PLB1: variants seen among roughly 807,000 people sequenced by gnomAD.
The protein encoded by PLB1 is phospholipase B1, also known as phospholipase B1, membrane-associated.
In PLB1, 242 loss-of-function variants were observed where a neutral mutation model predicts 227.4. That is an observed-to-expected ratio of 1.06 (90% CI 0.96 to 1.18). PLB1 has a LOEUF of 1.18. PLB1 is among the 50% of genes most tolerant of loss of function. PLB1 has a pLI of 0.00. For synonymous variants in PLB1, 757 were observed against 682.2 expected (o/e 1.11, Z -1.71); for missense variants, 1,858 against 1,816.3 (o/e 1.02, Z -0.42).
intron 17 of PLB1, among the ~76,000 whole-genome samples, chr2:28,558,081 T>C (rs188022685): frequency 1.2e-4 from 19 of 152,270 alleles, no homozygotes; most frequent in African/African-American, 3.8e-4. Context: ...CAGGGCGGTA[T>C]GGCCATAGAC....
At chr2:28,504,067 T>G (rs1667384473) in intron 1 of PLB1, among the ~76,000 whole-genome samples, 1 of 152,198 alleles carries the variant, frequency 6.6e-6, no homozygotes, top group Non-Finnish European at 1.5e-5. Context: ...CTTGATTACT[T>G]CCATCAGTTT....
rs1485340289 is a variant in PLB1 at position 28,591,117 on chromosome 2, C to T, written c.2089-16C>T. The T allele has an allele frequency of 3.1e-6, 5 of 1,614,010 alleles. No individual in the cohort carries two copies. The East Asian group carries it at 1.1e-4, about 36-fold the overall frequency. On this transcript the variant is annotated splice_polypyrimidine_tract_variant and intron_variant, in intron 29 of 57. Transcript: ENST00000327757. ...AGCAGAATTTGCTGCCATTGCTCAC[C>T]CCCCTCTCCTCACAGGTCCAGCCGT...
At chr2:28,593,001 C>T (rs1018698607) in intron 32 of PLB1, among the ~76,000 whole-genome samples, 15 of 152,192 alleles carry the variant, frequency 9.9e-5, no homozygotes, top group Non-Finnish European at 1.9e-4. Flanking sequence ...GTCATTCTGA[C>T]TCAAAATTCT....
intron 23 of PLB1, among the ~76,000 whole-genome samples, chr2:28,580,480 C>T (rs1249124245): frequency 6.6e-6 from 1 of 152,102 alleles, no homozygotes; most frequent in African/African-American, 2.4e-5. Flanking sequence ...TTCGGGAGGC[C>T]GAGGCAGGCA....
At chr2:28,506,400 G>A (rs1218389087) in intron 1 of PLB1, among the ~76,000 whole-genome samples, 1 of 152,114 alleles carries the variant, frequency 6.6e-6, no homozygotes, top group African/African-American at 2.4e-5. Context: ...GGGAGGGCAT[G>A]GCAATGATGG....
intron 51 of PLB1, among the ~76,000 whole-genome samples, chr2:28,627,403 C>A (rs544854707): frequency 6.6e-6 from 1 of 152,210 alleles, no homozygotes; most frequent in Non-Finnish European, 1.5e-5. Context: ...ATGCCCTCTA[C>A]TAGTCCCAGG....
chr2:28,617,910 C>T, intron 45 of PLB1, 123 bp downstream of exon 45: 2 of 990,282 alleles, frequency 2.0e-6, no homozygotes, highest in Non-Finnish European at 3.2e-6. Flanking sequence ...GCAGTGCAGA[C>T]CTAGATCCTG....
chr2:28,582,491 A>C lies in PLB1; in HGVS notation c.1719A>C (p.Pro573=), dbSNP rs1048175353. 1 of 1,607,960 alleles carries C rather than the reference A, an allele frequency of 6.2e-7. No individual in the cohort carries two copies. The highest frequency in any genetic ancestry group is 8.5e-7 in the Non-Finnish European group (1 of 1,176,588). The part of the protein sequence containing the change: ...ELYQEKKVYC[P]RMILRSLCPC... ...ACCAGGAGAAAAAAGTCTACTGCCC[A>C]AGGATGATCCTCAGGTCAGACAGAT... The change falls in exon 25 of 58, where the codon CCA becomes CCC. Residue 573 remains proline, a synonymous_variant. Coordinates refer to ENST00000327757, the MANE Select transcript of PLB1 (RefSeq NM_153021.5).
chr2:28,604,156 T>C, intron 40 of PLB1, 109 bp downstream of exon 40: 2 of 1,092,582 alleles, frequency 1.8e-6, no homozygotes, highest in Non-Finnish European at 2.7e-6. Flanking sequence ...TGGTCAGGGA[T>C]TGTGGGGAGA....
At chr2:28,576,686 C>CGCCATT (rs1183101490) in intron 21 of PLB1, among the ~76,000 whole-genome samples, 8 of 152,128 alleles carry the variant, frequency 5.3e-5, no homozygotes, top group Non-Finnish European at 1.5e-5. Flanking sequence ...ACTGAGATCA[C>CGCCATT]GCCATTGCAC....
At chr2:28,497,996 GGT>G in intron 1 of PLB1, among the ~76,000 whole-genome samples, 1 of 151,678 alleles carries the variant, frequency 6.6e-6, no homozygotes, top group East Asian at 1.9e-4. Flanking sequence ...TGGGATTACA[GGT>G]GTGAGCCACC....
chr2:28,547,446 T>A (rs1487781766), intron 14 of PLB1, among the ~76,000 whole-genome samples: 1 of 152,242 alleles, frequency 6.6e-6, no homozygotes, highest in Non-Finnish European at 1.5e-5. Flanking sequence ...CAGCTAATTA[T>A]ACCTCCTTAT....
rs1461349326 is a variant in PLB1 at position 28,636,526 on chromosome 2, A to G, written c.4098+3487A>G. Reference sequence around the variant, plus strand: ...ATGTGTCTACCAAAAGATACACACAAAAATATTCACAGCAGCACTATTTAT... The same window carrying G: ...ATGTGTCTACCAAAAGATACACACAGAAATATTCACAGCAGCACTATTTAT... On this transcript the variant is annotated intron_variant, in intron 56 of 57. Coordinates refer to ENST00000327757, the MANE Select transcript of PLB1 (RefSeq NM_153021.5). 3.9e-5 allele frequency among the ~76,000 whole-genome samples: 6 copies of G among 152,200 alleles called. No homozygotes were observed. The East Asian group carries it at 9.6e-4, about 24-fold the overall frequency.
chr2:28,584,453 T>G (rs946055101), intron 25 of PLB1, among the ~76,000 whole-genome samples: 1 of 152,234 alleles, frequency 6.6e-6, no homozygotes, highest in African/African-American at 2.4e-5. Flanking sequence ...CTTTCTCCAG[T>G]CACTGGGCCA....
At chr2:28,546,754 C>T (rs752595781) in intron 14 of PLB1, among the ~76,000 whole-genome samples, 48 of 151,962 alleles carry the variant, frequency 3.2e-4, no homozygotes, top group Non-Finnish European at 5.3e-4. Flanking sequence ...AAGTTCTCAA[C>T]GGAAATGGGT....
rs567847047 is a variant in PLB1 at position 28,625,918 on chromosome 2, A to G, written c.3580-510A>G. Among the ~76,000 whole-genome samples the G allele has an allele frequency of 2.8e-5, 4 of 143,634 alleles. No individual in the cohort carries two copies. In the South Asian group the frequency reaches 8.7e-4, roughly 31 times the overall value. The allele number at this position is 143,634 out of a possible 152,430, so 94.2% of individuals were successfully genotyped here. On this transcript the variant is annotated intron_variant, in intron 50 of 57. Coordinates refer to ENST00000327757, the MANE Select transcript of PLB1 (RefSeq NM_153021.5). ...CCGTCCCCCGCCAGCGCCCACCGCC[A>G]AAAAAAAAAAACATCCTCTCTGTGG...
intron 26 of PLB1, among the ~76,000 whole-genome samples, chr2:28,589,015 A>G (rs370052761): frequency 0.023 from 3,547 of 151,734 alleles, 155 homozygotes; most frequent in African/African-American, 0.082. Flanking sequence ...AATACAAAAA[A>G]TTAGCCAGGC....
chr2:28,613,566 A>C (rs577719151), intron 43 of PLB1, among the ~76,000 whole-genome samples: 61 of 152,316 alleles, frequency 4.0e-4, no homozygotes, highest in African/African-American at 1.2e-3. Flanking sequence ...AAAAATGACT[A>C]AGATACAGGA....
chr2:28,621,235 G>A (rs529712405), intron 49 of PLB1, among the ~76,000 whole-genome samples: 1 of 152,216 alleles, frequency 6.6e-6, no homozygotes, highest in African/African-American at 2.4e-5. Context: ...CCTGAATCAG[G>A]AGCCTTTGCT....
Sources: allele counts gnomAD v4.1 joint callset (sites outside exome capture counted in the v4.1 genomes callset), GRCh38; gene constraint gnomAD v4.1.1; transcripts MANE v1.5; gene names NCBI Gene and HGNC (gene_info 2026-07-23, HGNC 2026-07-21).